Variants in CXXC5 observed in about 807,000 individuals in gnomAD.
CXXC5 encodes the protein CXXC-type zinc finger protein 5.
Under a neutral mutation model 17.6 loss-of-function variants are expected in CXXC5, and 2 were observed. The ratio of observed to expected loss-of-function variants is 0.11; its 90% CI spans 0.05 to 0.36. CXXC5 has a LOEUF of 0.36. Ranked by LOEUF, CXXC5 falls within the 10% of genes least tolerant of loss-of-function variation. CXXC5 has a pLI of 1.00. For missense variants in CXXC5, 343 were observed against 458.3 expected (o/e 0.75, Z 2.30); for synonymous variants, 171 against 193.0 (o/e 0.89, Z 0.94).
chr5:139,669,583 G>T lies in CXXC5; in HGVS notation c.-160-10781G>T, dbSNP rs1026489073. Reference sequence around the variant, plus strand: ...TTTAAATGAGTTTGGGGAGTGATCGGTGCCCACACCAAGTGATGTGGCCAC... The same window carrying T: ...TTTAAATGAGTTTGGGGAGTGATCGTTGCCCACACCAAGTGATGTGGCCAC... On this transcript the variant is annotated intron_variant, in intron 1 of 2. Coordinates refer to ENST00000302517, the MANE Select transcript of CXXC5 (RefSeq NM_016463.9). Among the ~76,000 whole-genome samples, 30 of 152,046 alleles carry T rather than the reference G, an allele frequency of 2.0e-4. 1 individual carries two copies. Among genetic ancestry groups the T allele is most frequent in the African/African-American group, 7.0e-4 (29 of 41,388 alleles).
chr5:139,668,463 C>A lies in CXXC5; in HGVS notation c.-160-11901C>A, dbSNP rs531324786. Among the ~76,000 whole-genome samples the A allele has an allele frequency of 6.6e-6, 1 of 152,132 alleles. No homozygotes were observed. Among genetic ancestry groups the A allele is most frequent in the South Asian group, 2.1e-4 (1 of 4,834 alleles). On this transcript the variant is annotated intron_variant, in intron 1 of 2. Coordinates refer to ENST00000302517, the MANE Select transcript of CXXC5 (RefSeq NM_016463.9). The surrounding 1 kb of genome is among the most constrained non-coding windows in gnomAD (Gnocchi z 4.1). ...GCCGACTAATTAGGCCCGGCTACCT[C>A]CCGCGCCGCCCACTGCCCGCTCCAG...
At chr5:139,654,406 C>T (rs989298313) in intron 1 of CXXC5, among the ~76,000 whole-genome samples, 11 of 152,178 alleles carry the variant, frequency 7.2e-5, no homozygotes, top group Admixed American at 2.0e-4. Context: ...TTCCTAATCT[C>T]TGAAATTGGA....
upstream of CXXC5, chr5:139,647,335 T>C (rs1754934820): frequency 6.6e-6 from 1 of 152,088 alleles, no homozygotes; most frequent in Admixed American, 6.5e-5. Context: ...AAGGTCGGCC[T>C]TGCACAAATC....
chr5:139,649,454 G>C (rs926874020), intron 1 of CXXC5: 1 of 152,234 alleles, frequency 6.6e-6, no homozygotes, highest in Admixed American at 6.5e-5. Flanking sequence ...TAACTGCTCT[G>C]GGCGCCCTCG....
chr5:139,673,668 T>C (rs904154824), intron 1 of CXXC5, among the ~76,000 whole-genome samples: 2 of 151,800 alleles, frequency 1.3e-5, no homozygotes, highest in Non-Finnish European at 2.9e-5. Flanking sequence ...ATGGTGAAAC[T>C]CCATCTCTAC....
At chr5:139,648,997 C>A (rs920855927) in intron 1 of CXXC5, 152 bp downstream of exon 1, 1 of 152,176 alleles carries the variant, frequency 6.6e-6, no homozygotes, top group Non-Finnish European at 1.5e-5. Context: ...GCGCGGGTTC[C>A]CCCGAAGTTC....
intron 1 of CXXC5, among the ~76,000 whole-genome samples, chr5:139,679,371 C>T (rs1228492432): frequency 2.0e-5 from 3 of 152,190 alleles, no homozygotes; most frequent in Non-Finnish European, 4.4e-5. Flanking sequence ...ACAAGCATGT[C>T]CTCTCACTGT....
chr5:139,660,174 C>T (rs947040165), intron 1 of CXXC5, among the ~76,000 whole-genome samples: 5 of 152,296 alleles, frequency 3.3e-5, no homozygotes, highest in East Asian at 1.9e-4. Context: ...GTGAGGGGAG[C>T]GGGATGATCC....
intron 1 of CXXC5, among the ~76,000 whole-genome samples, chr5:139,664,765 G>C (rs575002072): frequency 2.0e-4 from 31 of 152,298 alleles, no homozygotes; most frequent in African/African-American, 7.5e-4. Flanking sequence ...GGGAAGAAGT[G>C]TGGGCTCTAG....
At position 139,654,685 on chromosome 5, in the gene CXXC5, C is replaced by G. The variant is rs79992099; in HGVS notation, c.-161+5840C>G. 4.8e-3 allele frequency among the ~76,000 whole-genome samples: 736 copies of G among 152,292 alleles called. 8 individuals are homozygous for G. Among genetic ancestry groups the G allele is most frequent in the African/African-American group, 0.015 (620 of 41,552 alleles). On this transcript the variant is annotated intron_variant, in intron 1 of 2. Transcript: ENST00000302517. ...TCTCTTCCTCATCTGTAAAATGGGACTGATAATAGGACAGACCCCATGGGG... is the reference window on the plus strand; with the variant it reads ...TCTCTTCCTCATCTGTAAAATGGGAGTGATAATAGGACAGACCCCATGGGG...
intron 1 of CXXC5, among the ~76,000 whole-genome samples, chr5:139,671,573 T>C (rs1756472329): frequency 6.6e-6 from 1 of 152,210 alleles, no homozygotes; most frequent in South Asian, 2.1e-4. Flanking sequence ...CACAGGATTC[T>C]GGGGGAGGAG....
At chr5:139,682,814 C>A (rs13355248) in intron 2 of CXXC5, 49 bp from the exon 3 acceptor site, 3 of 1,552,322 alleles carry the variant, frequency 1.9e-6, no homozygotes, top group South Asian at 1.2e-5. Flanking sequence ...CAGGCCTACC[C>A]GGACCCTGAC....
rs1581599112 is a variant in CXXC5 at position 139,668,553 on chromosome 5, C to T, written c.-160-11811C>T. Among the ~76,000 whole-genome samples, 1 of 152,178 alleles carries T rather than the reference C, an allele frequency of 6.6e-6. No individual in the cohort carries two copies. Among genetic ancestry groups the T allele is most frequent in the African/African-American group, 2.4e-5 (1 of 41,448 alleles). On this transcript the variant is annotated intron_variant, in intron 1 of 2. Transcript: ENST00000302517. This position sits in a 1 kb window ranked among gnomAD's most constrained non-coding sequence, Gnocchi z 4.1. ...TCCTGCCGTTCTGGGGCCTGTGCCCCAGAGCTGGCCGCGTTTCTCGGGGCG... is the reference window on the plus strand; with the variant it reads ...TCCTGCCGTTCTGGGGCCTGTGCCCTAGAGCTGGCCGCGTTTCTCGGGGCG...
Position 139,682,843 on chromosome 5 carries a change from T to C in CXXC5, c.925-20T>C. ...CCCTGACTGAACTCTCTCCTTGTTT[T>C]TGTCTCCCGCCCCCGCCAGAAGGTG... On this transcript the variant is annotated intron_variant, in intron 2 of 2. Transcript: ENST00000302517. The C allele has an allele frequency of 6.3e-7, 1 of 1,586,016 alleles. No individual in the cohort carries two copies.
rs1561541838 is a variant in CXXC5 at position 139,670,654 on chromosome 5, C to T, written c.-160-9710C>T. Among the ~76,000 whole-genome samples the T allele has an allele frequency of 6.6e-6, 1 of 152,234 alleles. No homozygotes were observed. Among genetic ancestry groups the T allele is most frequent in the South Asian group, 2.1e-4 (1 of 4,834 alleles). The stretch of plus-strand genomic sequence containing the variant: ...AGAAGACTCCACAAACATCCTCTCA[C>T]CACGTAAACCACCCTATTCGCACAC... On this transcript the variant is annotated intron_variant, in intron 1 of 2. Transcript: ENST00000302517. This position sits in a 1 kb window ranked among gnomAD's most constrained non-coding sequence, Gnocchi z 4.2.
intron 1 of CXXC5, among the ~76,000 whole-genome samples, chr5:139,656,043 C>G (rs1309685738): frequency 6.6e-6 from 1 of 152,250 alleles, no homozygotes; most frequent in Non-Finnish European, 1.5e-5. Flanking sequence ...CCCTTGGGCC[C>G]AGCACTCCCT....
chr5:139,678,313 G>A (rs1344383980), intron 1 of CXXC5, among the ~76,000 whole-genome samples: 1 of 152,236 alleles, frequency 6.6e-6, no homozygotes, highest in Non-Finnish European at 1.5e-5. Flanking sequence ...GCCGTTATGA[G>A]GTGGGAGGGA....
chr5:139,672,517 A>G (rs1756540054), intron 1 of CXXC5, among the ~76,000 whole-genome samples: 1 of 152,214 alleles, frequency 6.6e-6, no homozygotes. Flanking sequence ...GTTCAGTCTC[A>G]GCCCTGCGTC....
Position 139,681,358 on chromosome 5 carries a change from A to G in CXXC5, c.835A>G (p.Ser279Gly). ...CRRRINCEQC[S>G]SCRNRKTGHQ... ...GCGGCGCATCAACTGCGAGCAGTGC[A>G]GCAGTTGTAGGAATCGAAAGACTGG... The change falls in exon 2 of 3, where the codon AGC becomes GGC. Residue 279 changes from serine (S) to glycine (G), a missense_variant. Ser to Gly is a moderately conservative substitution (Grantham distance 56). Coordinates refer to ENST00000302517, the MANE Select transcript of CXXC5 (RefSeq NM_016463.9). 6.2e-7 allele frequency: 1 copy of G among 1,604,678 alleles called. No homozygotes were observed. Among genetic ancestry groups the G allele is most frequent in the Non-Finnish European group, 8.5e-7 (1 of 1,174,600 alleles).
Sources: gnomAD v4.1 joint callset for allele counts (sites outside exome capture counted in the v4.1 genomes callset) on GRCh38, gnomAD v4.1.1 for gene constraint, Gnocchi (gnomAD v3.1) non-coding constraint, MANE v1.5 for transcripts, NCBI Gene and HGNC (gene_info 2026-07-23, HGNC 2026-07-21) for gene names.